UBL3: variants seen among roughly 807,000 people sequenced by gnomAD.
UBL3 encodes the protein ubiquitin-like protein 3.
Under a neutral mutation model 18.4 loss-of-function variants are expected in UBL3, and 6 were observed. That is an observed-to-expected ratio of 0.33 (90% CI 0.18 to 0.64). The LOEUF is 0.64. UBL3 is among the 30% of genes least tolerant of loss of function. UBL3 has a pLI of 0.76. For synonymous variants in UBL3, 49 were observed against 46.6 expected, an observed-to-expected ratio of 1.05 and a Z score of -0.21; for missense variants, 109 against 142.9, an observed-to-expected ratio of 0.76 and a Z score of 1.21.
intron 1 of UBL3, among the ~76,000 whole-genome samples, chr13:29,783,844 T>TA (rs1287476150): frequency 3.3e-5 from 5 of 152,198 alleles, no homozygotes; most frequent in Non-Finnish European, 5.9e-5. Context: ...ATTTACAGCT[T>TA]AAAATGTTAT....
chr13:29,786,838 T>G (rs933991321), intron 1 of UBL3, among the ~76,000 whole-genome samples: 1 of 152,192 alleles, frequency 6.6e-6, no homozygotes, highest in Admixed American at 6.5e-5. Flanking sequence ...CTCAGTGAGA[T>G]TCCTGTTTTT....
At chr13:29,847,436 ACT>A (rs1429727513) in intron 1 of UBL3, among the ~76,000 whole-genome samples, 1 of 152,180 alleles carries the variant, frequency 6.6e-6, no homozygotes, top group East Asian at 1.9e-4. Flanking sequence ...AAACAGATAA[ACT>A]GTTATATTTT....
intron 1 of UBL3, among the ~76,000 whole-genome samples, chr13:29,782,191 T>C (rs1297592033): frequency 6.6e-6 from 1 of 152,146 alleles, no homozygotes; most frequent in East Asian, 1.9e-4. Flanking sequence ...CTAGATAATG[T>C]TCAATTATCT....
chr13:29,795,628 C>G (rs1565993526), intron 1 of UBL3, among the ~76,000 whole-genome samples: 1 of 151,774 alleles, frequency 6.6e-6, no homozygotes, highest in Non-Finnish European at 1.5e-5. Context: ...TTAATTCTCA[C>G]TGCAACCCTA....
At chr13:29,802,538 G>A (rs576433012) in intron 1 of UBL3, among the ~76,000 whole-genome samples, 2 of 152,306 alleles carry the variant, frequency 1.3e-5, no homozygotes, top group Non-Finnish European at 2.9e-5. Flanking sequence ...GGAGAAAGAT[G>A]AAACCTAATC....
chr13:29,791,003 G>A (rs1340707488), intron 1 of UBL3, among the ~76,000 whole-genome samples: 3 of 152,114 alleles, frequency 2.0e-5, no homozygotes, highest in Admixed American at 6.6e-5. Flanking sequence ...TCATTTCTCC[G>A]TCTGCTAGCT....
intron 1 of UBL3, among the ~76,000 whole-genome samples, chr13:29,819,462 A>G (rs556016622): frequency 1.1e-3 from 174 of 152,374 alleles, no homozygotes; most frequent in African/African-American, 4.0e-3. Flanking sequence ...AAGTCCATAA[A>G]CTAAGGAGAT....
At chr13:29,829,050 G>T (rs1164187364) in intron 1 of UBL3, among the ~76,000 whole-genome samples, 1 of 152,168 alleles carries the variant, frequency 6.6e-6, no homozygotes, top group Non-Finnish European at 1.5e-5. Context: ...CGTCTCAGAG[G>T]GGTACCTGGC....
chr13:29,785,550 A>C (rs549941308), intron 1 of UBL3, among the ~76,000 whole-genome samples: 49 of 152,336 alleles, frequency 3.2e-4, no homozygotes, highest in African/African-American at 1.1e-3. Flanking sequence ...TTATGAATTT[A>C]TAAAGGGCAT....
intron 1 of UBL3, among the ~76,000 whole-genome samples, chr13:29,816,284 C>A (rs1886170): frequency 6.6e-6 from 1 of 151,918 alleles, no homozygotes; most frequent in Non-Finnish European, 1.5e-5. Context: ...ATTGAAGAAA[C>A]TGACTAAATT....
chr13:29,803,632 G>A (rs1437187102), intron 1 of UBL3, among the ~76,000 whole-genome samples: 1 of 151,550 alleles, frequency 6.6e-6, no homozygotes, highest in Non-Finnish European at 1.5e-5. Flanking sequence ...AGGGAGAAGG[G>A]GTTTCAATCC....
Position 29,802,892 on chromosome 13 carries a change from T to C in UBL3, c.28-25629A>G, listed in dbSNP as rs1211181801. Among the ~76,000 whole-genome samples the C allele has an allele frequency of 2.0e-5, 3 of 152,178 alleles. 1 individual carries two copies. The highest frequency in any genetic ancestry group is 4.1e-4 in the South Asian group (2 of 4,832). Reference sequence around the variant, plus strand: ...TTGGGAAACATATTTCAGGATATTGTCCATGAAAATTTCCCCAACTTCACT... The same window carrying C: ...TTGGGAAACATATTTCAGGATATTGCCCATGAAAATTTCCCCAACTTCACT... On this transcript the variant is annotated intron_variant, in intron 1 of 4. Coordinates refer to ENST00000380680, the MANE Select transcript of UBL3 (RefSeq NM_007106.4).
intron 1 of UBL3, among the ~76,000 whole-genome samples, chr13:29,838,924 T>C (rs1879025182): frequency 6.6e-6 from 1 of 151,204 alleles, no homozygotes; most frequent in Admixed American, 6.6e-5. Flanking sequence ...AGGAAATGGA[T>C]AGAAAAAAAA....
At chr13:29,840,414 A>G (rs1879067843) in intron 1 of UBL3, among the ~76,000 whole-genome samples, 1 of 152,234 alleles carries the variant, frequency 6.6e-6, no homozygotes, top group African/African-American at 2.4e-5. Context: ...TGTGGATGGA[A>G]TAAAATCAAT....
At chr13:29,845,709 C>G (rs1879212544) in intron 1 of UBL3, among the ~76,000 whole-genome samples, 1 of 152,010 alleles carries the variant, frequency 6.6e-6, no homozygotes, top group Non-Finnish European at 1.5e-5. Flanking sequence ...ATAAAATATA[C>G]TGGAAAAAAC....
chr13:29,835,172 A>T (rs1479705261), intron 1 of UBL3, among the ~76,000 whole-genome samples: 2 of 71,310 alleles, frequency 2.8e-5, no homozygotes, highest in African/African-American at 5.7e-5. Flanking sequence ...ATATATATAT[A>T]TATATATATA....
chr13:29,847,865 T>G (rs772381459), intron 1 of UBL3, among the ~76,000 whole-genome samples: 1 of 152,090 alleles, frequency 6.6e-6, no homozygotes, highest in Non-Finnish European at 1.5e-5. Context: ...TGTCCAGCCG[T>G]ACTTAACCAG....
chr13:29,793,585 A>G (rs1286178365), intron 1 of UBL3, among the ~76,000 whole-genome samples: 1 of 152,074 alleles, frequency 6.6e-6, no homozygotes, highest in East Asian at 1.9e-4. Context: ...CTCTTTATAA[A>G]TTACTCAAAT....
chr13:29,807,382 A>C (rs1223176234), intron 1 of UBL3, among the ~76,000 whole-genome samples: 3 of 152,192 alleles, frequency 2.0e-5, no homozygotes, highest in Non-Finnish European at 4.4e-5. Context: ...GAGCTGCATA[A>C]GAATCGAGAC....
Sources: gnomAD v4.1 joint callset for allele counts (sites outside exome capture counted in the v4.1 genomes callset) on GRCh38, gnomAD v4.1.1 for gene constraint, MANE v1.5 for transcripts, NCBI Gene and HGNC (gene_info 2026-07-23, HGNC 2026-07-21) for gene names.